MDGA2: variants seen among roughly 807,000 people sequenced by gnomAD.
MDGA2 encodes the protein MAM domain-containing glycosylphosphatidylinositol anchor protein 2.
In MDGA2, 40 loss-of-function variants were observed where a neutral mutation model predicts 117.8. That is an observed-to-expected ratio of 0.34 (90% CI 0.26 to 0.44). The LOEUF is 0.44. Among genes scored for constraint, MDGA2 ranks in the 20% least tolerant of loss-of-function variants. MDGA2 has a pLI of 1.00. For missense variants in MDGA2, 1,123 were observed against 1,250.6 expected, an observed-to-expected ratio of 0.90 and a Z score of 1.54; for synonymous variants, 452 against 439.0, an observed-to-expected ratio of 1.03 and a Z score of -0.37.
At chr14:47,034,877 T>A in intron 8 of MDGA2, 134 bp downstream of exon 8, 1 of 785,612 alleles carries the variant, frequency 1.3e-6, no homozygotes, top group Non-Finnish European at 2.0e-6. Context: ...AAATAGTTCA[T>A]TCAATCCAAT....
chr14:47,174,112 T>C (rs1446392156), intron 3 of MDGA2, among the ~76,000 whole-genome samples: 2 of 152,150 alleles, frequency 1.3e-5, no homozygotes, highest in Non-Finnish European at 2.9e-5. Flanking sequence ...CCTAAATATA[T>C]ATGCACCCAA....
chr14:46,999,747 A>G (rs763508396), intron 8 of MDGA2, among the ~76,000 whole-genome samples: 18 of 152,038 alleles, frequency 1.2e-4, no homozygotes, highest in Non-Finnish European at 1.6e-4. Context: ...TTTTCTCTGG[A>G]TTATCTTTGT....
At chr14:47,080,629 C>T (rs551488264) in intron 6 of MDGA2, among the ~76,000 whole-genome samples, 1 of 152,264 alleles carries the variant, frequency 6.6e-6, no homozygotes, top group Non-Finnish European at 1.5e-5. Context: ...AAAGCTATGG[C>T]CTTTTACTTC....
chr14:47,366,098 C>T (rs2138380646), intron 1 of MDGA2, among the ~76,000 whole-genome samples: 1 of 152,270 alleles, frequency 6.6e-6, no homozygotes, highest in East Asian at 1.9e-4. Flanking sequence ...CCAGTAACTG[C>T]AGTTCTGACT....
intron 1 of MDGA2, among the ~76,000 whole-genome samples, chr14:47,548,334 T>C (rs1895505183): frequency 6.6e-6 from 1 of 152,164 alleles, no homozygotes; most frequent in African/African-American, 2.4e-5. Context: ...GAGCATTGCT[T>C]TCCTGTTTCT....
intron 1 of MDGA2, among the ~76,000 whole-genome samples, chr14:47,317,813 T>C (rs1014206084): frequency 6.6e-6 from 1 of 152,088 alleles, no homozygotes; most frequent in Non-Finnish European, 1.5e-5. Flanking sequence ...CAAATTTATA[T>C]TTTCCACACA....
intron 1 of MDGA2, among the ~76,000 whole-genome samples, chr14:47,631,760 T>C (rs146932771): frequency 6.6e-6 from 1 of 152,278 alleles, no homozygotes; most frequent in East Asian, 1.9e-4. Context: ...CTTAGTCACT[T>C]TGCAAGCTTC....
intron 9 of MDGA2, among the ~76,000 whole-genome samples, chr14:46,931,784 A>G (rs1324829079): frequency 1.3e-5 from 2 of 152,090 alleles, no homozygotes; most frequent in Admixed American, 1.3e-4. Flanking sequence ...CGGCCTCCCA[A>G]AGAGTTGAGA....
Position 47,243,816 on chromosome 14 carries a change from C to T in MDGA2, c.421-25621G>A, listed in dbSNP as rs913719902. ...CACCAATTCCGGACACAAAACCAAACGCTCCAACAATTTTAAGTGGCGACT... is the reference window on the plus strand; with the variant it reads ...CACCAATTCCGGACACAAAACCAAATGCTCCAACAATTTTAAGTGGCGACT... On this transcript the variant is annotated intron_variant, in intron 2 of 16. Coordinates refer to ENST00000399232, the MANE Select transcript of MDGA2 (RefSeq NM_001113498.3). Among the ~76,000 whole-genome samples the T allele has an allele frequency of 1.3e-5, 2 of 151,752 alleles. 1 individual carries two copies. Among genetic ancestry groups the T allele is most frequent in the Non-Finnish European group, 3.0e-5 (2 of 67,792 alleles).
At chr14:47,280,774 A>G (rs1227164709) in intron 2 of MDGA2, among the ~76,000 whole-genome samples, 2 of 151,948 alleles carry the variant, frequency 1.3e-5, no homozygotes, top group Non-Finnish European at 2.9e-5. Context: ...ATAATTTGCC[A>G]TTTATAGTTC....
intron 1 of MDGA2, among the ~76,000 whole-genome samples, chr14:47,492,021 T>G (rs1594884588): frequency 6.6e-6 from 1 of 152,166 alleles, no homozygotes; most frequent in African/African-American, 2.4e-5. Flanking sequence ...GGCAAATATA[T>G]TTGTCTACAG....
At chr14:47,559,331 A>G (rs577146978) in intron 1 of MDGA2, among the ~76,000 whole-genome samples, 1 of 152,208 alleles carries the variant, frequency 6.6e-6, no homozygotes. Context: ...TATAAGAGCA[A>G]GTGGTATTTG....
At chr14:47,532,538 C>G (rs1038069847) in intron 1 of MDGA2, among the ~76,000 whole-genome samples, 1 of 152,144 alleles carries the variant, frequency 6.6e-6, no homozygotes, top group Non-Finnish European at 1.5e-5. Context: ...CCAGTAATTC[C>G]AGGGACCAAT....
At chr14:47,595,664 G>A (rs571655287) in intron 1 of MDGA2, among the ~76,000 whole-genome samples, 18 of 151,794 alleles carry the variant, frequency 1.2e-4, no homozygotes, top group African/African-American at 4.3e-4. Context: ...TGAAGTGAGA[G>A]GCATGAATTA....
chr14:47,444,971 T>A (rs1376026245), intron 1 of MDGA2, among the ~76,000 whole-genome samples: 1 of 152,156 alleles, frequency 6.6e-6, no homozygotes. Context: ...AAATGTACAA[T>A]GATGCATTTG....
intron 8 of MDGA2, among the ~76,000 whole-genome samples, chr14:47,028,354 A>T (rs527432647): frequency 5.9e-5 from 9 of 152,304 alleles, no homozygotes; most frequent in African/African-American, 2.2e-4. Context: ...ATTTTGGCAT[A>T]AGAAATAAAT....
At chr14:47,538,703 T>C (rs530166167) in intron 1 of MDGA2, among the ~76,000 whole-genome samples, 7 of 152,308 alleles carry the variant, frequency 4.6e-5, no homozygotes, top group African/African-American at 1.7e-4. Flanking sequence ...TTTCTTTCTT[T>C]TTCTCTCTCT....
At chr14:47,147,826 C>T (rs1422227688) in intron 3 of MDGA2, among the ~76,000 whole-genome samples, 1 of 152,132 alleles carries the variant, frequency 6.6e-6, no homozygotes, top group Non-Finnish European at 1.5e-5. Flanking sequence ...TCCATCATCT[C>T]CTTCTACTAT....
chr14:46,927,826 A>G (rs773418531), intron 9 of MDGA2, among the ~76,000 whole-genome samples: 3 of 152,168 alleles, frequency 2.0e-5, no homozygotes, highest in Admixed American at 6.5e-5. Flanking sequence ...CCTTACTTGA[A>G]TTCATTTTCT....
Sources: allele counts gnomAD v4.1 joint callset (sites outside exome capture counted in the v4.1 genomes callset), GRCh38; gene constraint gnomAD v4.1.1; transcripts MANE v1.5; gene names NCBI Gene and HGNC (gene_info 2026-07-23, HGNC 2026-07-21).